TEX9: variants seen among roughly 807,000 people sequenced by gnomAD.
The protein encoded by TEX9 is testis expressed 9, also known as testis-expressed protein 9.
In TEX9, 74 loss-of-function variants were observed where a neutral mutation model predicts 59.6. The ratio of observed to expected loss-of-function variants is 1.24; its 90% CI spans 1.03 to 1.51. The LOEUF is 1.51. TEX9 is among the 40% of genes most tolerant of loss of function. The probability of loss-of-function intolerance (pLI) is 0.00; values close to 1 mark genes in which losing one functional copy is unlikely to be tolerated. For missense variants in TEX9, 522 were observed against 447.8 expected, an observed-to-expected ratio of 1.17 and a Z score of -1.49; for synonymous variants, 186 against 152.2, an observed-to-expected ratio of 1.22 and a Z score of -1.64.
chr15:56,446,018 T>C (rs2050899242), downstream of TEX9: 1 of 152,024 alleles, frequency 6.6e-6, no homozygotes, highest in Non-Finnish European at 1.5e-5. Flanking sequence ...CGCTAGACAT[T>C]TTCTATACTA....
In TEX9 at chr15:56,388,452, T is replaced by G. The variant is rs756244686; in HGVS notation, c.264-20T>G. ...AGTGTCATCTATTATTAATGTATAA[T>G]GTTTATTTTTGGCCTGTAGAGGTCT... On this transcript the variant is annotated intron_variant, in intron 4 of 12. Transcript: ENST00000352903. The G allele has an allele frequency of 3.1e-6, 5 of 1,587,588 alleles. No individual in the cohort carries two copies. The highest frequency in any genetic ancestry group is 2.6e-6 in the Non-Finnish European group (3 of 1,157,690).
chr15:56,391,889 A>T (rs2048231464), intron 7 of TEX9, among the ~76,000 whole-genome samples: 2 of 152,072 alleles, frequency 1.3e-5, no homozygotes, highest in Non-Finnish European at 2.9e-5. Flanking sequence ...CAGGTAAAAC[A>T]ATCAAATGAG....
At chr15:56,338,967 C>G (rs1181846647) in intron 1 of TEX9, among the ~76,000 whole-genome samples, 2 of 152,050 alleles carry the variant, frequency 1.3e-5, no homozygotes, top group African/African-American at 4.8e-5. Context: ...AGGGGTGTCC[C>G]CTATGCTCTG....
At chr15:56,444,213 G>A (rs1420621778) in intron 12 of TEX9, among the ~76,000 whole-genome samples, 1 of 151,986 alleles carries the variant, frequency 6.6e-6, no homozygotes, top group African/African-American at 2.4e-5. Flanking sequence ...AAAAACAAAG[G>A]TTTAGGTCAT....
At chr15:56,426,626 T>TATATATATACACAC (rs1214988827) in intron 10 of TEX9, among the ~76,000 whole-genome samples, 35 of 47,172 alleles carry the variant, frequency 7.4e-4, no homozygotes, top group Admixed American at 1.7e-3. Context: ...TATATATATA[T>TATATATATACACAC]ACACACACAC....
chr15:56,349,216 C>T (rs1375130743), intron 1 of TEX9, among the ~76,000 whole-genome samples: 1 of 152,048 alleles, frequency 6.6e-6, no homozygotes, highest in Non-Finnish European at 1.5e-5. Context: ...AATATGAATG[C>T]TTATGTTGTA....
At position 56,414,390 on chromosome 15, in the gene TEX9, T is replaced by A. The variant is rs144451749; in HGVS notation, c.963+1954T>A. On this transcript the variant is annotated intron_variant, in intron 10 of 12. Transcript: ENST00000352903. ...GTTATCTCTTCTGCTCCTCTCCCTTTTTCCACCTTCCCCACTTCAAGTAGA... is the reference window on the plus strand; with the variant it reads ...GTTATCTCTTCTGCTCCTCTCCCTTATTCCACCTTCCCCACTTCAAGTAGA... Among the ~76,000 whole-genome samples the A allele has an allele frequency of 1.1e-4, 17 of 151,716 alleles. 3 individuals carry two copies. The highest frequency in any genetic ancestry group is 4.1e-4 in the African/African-American group (17 of 41,148).
chr15:56,398,096 T>A lies in TEX9; in HGVS notation c.828+3262T>A, dbSNP rs1457931442. Reference sequence around the variant, plus strand: ...CTCATCTAGTAATAAAAGTTAATTATAGTATTTAATAGTCTGAACTTGTGT... The same window carrying A: ...CTCATCTAGTAATAAAAGTTAATTAAAGTATTTAATAGTCTGAACTTGTGT... On this transcript the variant is annotated intron_variant, in intron 9 of 12. Transcript: ENST00000352903. 4 of 152,224 alleles carry A rather than the reference T, an allele frequency of 2.6e-5. No homozygotes were observed. In the East Asian group the frequency reaches 7.7e-4, roughly 29 times the overall value. The allele number at this position is 152,224 out of a possible 1,614,324, so 9.4% of individuals were successfully genotyped here. A position where few individuals can be genotyped will look rare whatever the true frequency, so the allele number is the denominator to read the frequency against.
chr15:56,291,409 C>G (rs1346908629), intron 1 of TEX9, among the ~76,000 whole-genome samples: 1 of 152,052 alleles, frequency 6.6e-6, no homozygotes, highest in Non-Finnish European at 1.5e-5. Flanking sequence ...CATCCTCCCC[C>G]CTATTTATTA....
intron 6 of TEX9, among the ~76,000 whole-genome samples, chr15:56,390,761 C>G (rs529165247): frequency 2.0e-5 from 3 of 152,144 alleles, no homozygotes; most frequent in South Asian, 2.1e-4. Flanking sequence ...AATTCTTTCT[C>G]AAGGGGTATT....
At chr15:56,355,041 C>CAT in intron 1 of TEX9, among the ~76,000 whole-genome samples, 1 of 152,270 alleles carries the variant, frequency 6.6e-6, no homozygotes, top group African/African-American at 2.4e-5. Context: ...TATATACAGT[C>CAT]ATATATCCAT....
chr15:56,459,481 C>T, the TEX9 span, among the ~76,000 whole-genome samples: 4 of 152,066 alleles, frequency 2.6e-5, no homozygotes, highest in African/African-American at 7.2e-5. Flanking sequence ...ATATTTAGTA[C>T]CCAGCTACAC....
At chr15:56,395,965 A>G (rs1312480324) in intron 9 of TEX9, 2 of 152,106 alleles carry the variant, frequency 1.3e-5, no homozygotes, top group African/African-American at 2.4e-5. Flanking sequence ...AAAAGTTTTA[A>G]ATTTTGATGA....
chr15:56,309,167 C>T (rs1373157868), intron 1 of TEX9, among the ~76,000 whole-genome samples: 1 of 152,092 alleles, frequency 6.6e-6, no homozygotes, highest in Non-Finnish European at 1.5e-5. Context: ...TTAGGACGTT[C>T]ATTATCAAGT....
Position 56,289,734 on chromosome 15 carries a change from G to A in TEX9, c.-107+45456G>A, listed in dbSNP as rs764834351. 2.0e-5 allele frequency among the ~76,000 whole-genome samples: 3 copies of A among 152,148 alleles called. No individual in the cohort carries two copies. The South Asian group carries it at 6.2e-4, about 32-fold the overall frequency. ...GTGACTGATGAGTGACCCCTATGGA[G>A]TGGCCATGGAGCTGAGGCCTGAAGC... On this transcript the variant is annotated intron_variant, in intron 1 of 5. Coordinates refer to the TEX9 transcript ENST00000560827.
At chr15:56,435,575 A>C (rs904780970) in intron 12 of TEX9, among the ~76,000 whole-genome samples, 3 of 152,106 alleles carry the variant, frequency 2.0e-5, no homozygotes, top group Non-Finnish European at 4.4e-5. Flanking sequence ...AACTTAGATG[A>C]AATGGATCAC....
chr15:56,285,437 A>G (rs1282054480), intron 1 of TEX9, among the ~76,000 whole-genome samples: 1 of 152,046 alleles, frequency 6.6e-6, no homozygotes, highest in African/African-American at 2.4e-5. Context: ...TTGGGCTACA[A>G]TTTAATTTGG....
intron 9 of TEX9, among the ~76,000 whole-genome samples, chr15:56,400,965 A>C (rs8029482): frequency 0.034 from 5,145 of 152,236 alleles, 284 homozygotes; most frequent in African/African-American, 0.12. Flanking sequence ...CTGCCTTACA[A>C]GAGCTCCTGA....
chr15:56,304,849 A>G (rs1284015230), intron 1 of TEX9, among the ~76,000 whole-genome samples: 1 of 152,128 alleles, frequency 6.6e-6, no homozygotes. Flanking sequence ...CAGCCTCCTG[A>G]GTAGCTGAGA....
Sources: gnomAD v4.1 joint callset for allele counts (sites outside exome capture counted in the v4.1 genomes callset) on GRCh38, gnomAD v4.1.1 for gene constraint, MANE v1.5 for transcripts, NCBI Gene and HGNC (gene_info 2026-07-23, HGNC 2026-07-21) for gene names.